SLC25A21: variants seen among roughly 807,000 people sequenced by gnomAD.
SLC25A21 encodes mitochondrial 2-oxodicarboxylate carrier.
A neutral mutation model predicts 43.8 loss-of-function variants in SLC25A21; 47 were observed. The observed-to-expected ratio is 1.07, with a 90% CI of 0.85 to 1.37. The LOEUF (loss-of-function observed/expected upper bound fraction) is 1.37. Ranked by LOEUF, SLC25A21 falls within the 40% of genes most tolerant of loss-of-function variation. The pLI is 0.00. For synonymous variants in SLC25A21, 131 were observed against 121.3 expected, an observed-to-expected ratio of 1.08 and a Z score of -0.52; for missense variants, 352 against 350.2, an observed-to-expected ratio of 1.00 and a Z score of -0.04.
chr14:36,983,716 C>T (rs1433981037), intron 1 of SLC25A21, among the ~76,000 whole-genome samples: 1 of 152,078 alleles, frequency 6.6e-6, no homozygotes, highest in Non-Finnish European at 1.5e-5. Context: ...TTCACAATAC[C>T]AAAGTCATGG....
intron 1 of SLC25A21, among the ~76,000 whole-genome samples, chr14:36,884,708 T>G (rs1459028161): frequency 6.6e-6 from 1 of 152,200 alleles, no homozygotes; most frequent in Non-Finnish European, 1.5e-5. Context: ...CGGTTTTAAT[T>G]TGCATTTCTC....
chr14:37,014,266 C>G (rs905613201), intron 1 of SLC25A21, among the ~76,000 whole-genome samples: 2 of 152,114 alleles, frequency 1.3e-5, no homozygotes, highest in African/African-American at 4.8e-5. Context: ...ACCATTTTCC[C>G]CAGAGTAGAA....
At chr14:37,044,036 G>A (rs556188198) in intron 1 of SLC25A21, among the ~76,000 whole-genome samples, 2 of 147,168 alleles carry the variant, frequency 1.4e-5, no homozygotes, top group East Asian at 2.0e-4. Context: ...CTCCCGCCTC[G>A]GCCTCTCAAA....
intron 1 of SLC25A21, 139 bp downstream of exon 1, chr14:37,172,142 C>T (rs1964142264): frequency 2.2e-6 from 2 of 892,008 alleles, no homozygotes; most frequent in Admixed American, 2.8e-5. Flanking sequence ...CCTCTAGGGG[C>T]TCAAGCACTG....
intron 7 of SLC25A21, among the ~76,000 whole-genome samples, chr14:36,705,932 A>G (rs1160862934): frequency 6.6e-6 from 1 of 152,190 alleles, no homozygotes; most frequent in African/African-American, 2.4e-5. Flanking sequence ...CCTCCTCATC[A>G]GGGTTTATAA....
At chr14:36,809,749 C>A (rs889923008) in intron 3 of SLC25A21, among the ~76,000 whole-genome samples, 1 of 152,230 alleles carries the variant, frequency 6.6e-6, no homozygotes, top group Non-Finnish European at 1.5e-5. Flanking sequence ...GCTCTCAAAA[C>A]CTTTAACTTA....
intron 6 of SLC25A21, among the ~76,000 whole-genome samples, chr14:36,720,692 C>G (rs1443238509): frequency 2.0e-5 from 3 of 152,240 alleles, no homozygotes; most frequent in Admixed American, 2.0e-4. Flanking sequence ...CTTTATACAG[C>G]TATTCCAGAG....
intron 1 of SLC25A21, among the ~76,000 whole-genome samples, chr14:37,113,841 G>A (rs1466646301): frequency 8.6e-5 from 10 of 116,672 alleles, no homozygotes; most frequent in Non-Finnish European, 1.2e-4. Flanking sequence ...GCAACAGAGC[G>A]AGACTCTGTC....
At chr14:37,099,880 T>A (rs75961948) in intron 1 of SLC25A21, among the ~76,000 whole-genome samples, 7 of 152,086 alleles carry the variant, frequency 4.6e-5, no homozygotes, top group African/African-American at 1.7e-4. Flanking sequence ...AACACCACAC[T>A]TACTCTTTAT....
At position 36,711,192 on chromosome 14, in the gene SLC25A21, G is replaced by A. The variant is rs1293923000; in HGVS notation, c.603+126C>T. On this transcript the variant is annotated intron_variant, in intron 7 of 9. Transcript: ENST00000331299. ...ATAACAGCACTCAATGCAGATGTAAGGATCAAATTAGATAATAGATGTAGG... is the reference window on the plus strand; with the variant it reads ...ATAACAGCACTCAATGCAGATGTAAAGATCAAATTAGATAATAGATGTAGG... The A allele has an allele frequency of 8.5e-6, 7 of 819,080 alleles. No individual in the cohort carries two copies. In the Admixed American group the frequency reaches 1.1e-4, roughly 13 times the overall value. The allele number at this position is 819,080 out of a possible 1,614,324, so 50.7% of individuals were successfully genotyped here.
chr14:37,093,898 T>C (rs1051415190), intron 1 of SLC25A21, among the ~76,000 whole-genome samples: 1 of 152,184 alleles, frequency 6.6e-6, no homozygotes, highest in Non-Finnish European at 1.5e-5. Context: ...AAAATAACTC[T>C]AAGGTCATCT....
At chr14:36,703,267 T>C (rs1451323167) in intron 7 of SLC25A21, among the ~76,000 whole-genome samples, 1 of 152,216 alleles carries the variant, frequency 6.6e-6, no homozygotes, top group Non-Finnish European at 1.5e-5. Context: ...AGGTGCATTT[T>C]TCATTCAGCT....
chr14:36,803,255 A>G (rs78171971), intron 3 of SLC25A21, among the ~76,000 whole-genome samples: 1 of 152,318 alleles, frequency 6.6e-6, no homozygotes, highest in Non-Finnish European at 1.5e-5. Context: ...ACAGGTAGTT[A>G]AGAAACATTT....
At chr14:36,803,132 C>T (rs1238465361) in intron 3 of SLC25A21, among the ~76,000 whole-genome samples, 1 of 152,150 alleles carries the variant, frequency 6.6e-6, no homozygotes, top group African/African-American at 2.4e-5. Context: ...TTACCTTACA[C>T]TTGTCAGTAT....
intron 1 of SLC25A21, among the ~76,000 whole-genome samples, chr14:37,013,191 TG>T (rs1960770311): frequency 6.6e-6 from 1 of 152,210 alleles, no homozygotes. Context: ...TTTCTCCCAC[TG>T]AAATCTGAGA....
intron 1 of SLC25A21, among the ~76,000 whole-genome samples, chr14:37,110,954 CAA>C (rs146005650): frequency 2.0e-5 from 3 of 146,806 alleles, no homozygotes; most frequent in Admixed American, 6.8e-5. Context: ...TGAACAGCAA[CAA>C]AAAAAAAATC....
Position 37,145,019 on chromosome 14 carries a change from ATAAC to A in SLC25A21, c.70+27258_70+27261del, listed in dbSNP as rs557560305. On this transcript the variant is annotated intron_variant, in intron 1 of 9. Transcript: ENST00000331299. Reference sequence around the variant, plus strand: ...CATATGTTTTCCCTCTCCATTAATAATAACTAACACAGAGCATTCAGGAAGTGCT... The same window carrying A: ...CATATGTTTTCCCTCTCCATTAATAATAACACAGAGCATTCAGGAAGTGCT... Among the ~76,000 whole-genome samples, 40 of 152,244 alleles carry A rather than the reference ATAAC, an allele frequency of 2.6e-4. 1 individual carries two copies. The East Asian group carries it at 5.8e-3, about 22-fold the overall frequency.
Position 36,729,467 on chromosome 14 carries a change from A to G in SLC25A21, c.330+40T>C, listed in dbSNP as rs115898429. ...TTGTTTCTAGATTTTGCTTTATGAAATAACACACACATTTAAGTATAATAA... is the reference window on the plus strand; with the variant it reads ...TTGTTTCTAGATTTTGCTTTATGAAGTAACACACACATTTAAGTATAATAA... On this transcript the variant is annotated intron_variant, in intron 5 of 9. Coordinates refer to ENST00000331299, the MANE Select transcript of SLC25A21 (RefSeq NM_030631.4). 551 of 1,456,554 alleles carry G rather than the reference A, an allele frequency of 3.8e-4. No homozygotes were observed. In the African/African-American group the frequency reaches 5.2e-3, roughly 14 times the overall value. The allele number at this position is 1,456,554 out of a possible 1,614,324, so 90.2% of individuals were successfully genotyped here.
At chr14:36,842,450 A>C (rs1889413421) in intron 2 of SLC25A21, among the ~76,000 whole-genome samples, 3 of 152,114 alleles carry the variant, frequency 2.0e-5, no homozygotes, top group Non-Finnish European at 1.5e-5. Context: ...GTATAGGTGG[A>C]GTTCTGGCAG....
Sources: allele counts gnomAD v4.1 joint callset (sites outside exome capture counted in the v4.1 genomes callset), GRCh38; gene constraint gnomAD v4.1.1; transcripts MANE v1.5; gene names NCBI Gene and HGNC (gene_info 2026-07-23, HGNC 2026-07-21).